The following STAG1 variants were observed in gnomAD, a reference collection of about 807,000 sequenced individuals.
STAG1 encodes cohesin subunit SA-1.
STAG1 carries 26 observed loss-of-function variants against 170.9 expected under a neutral mutation model. That is an observed-to-expected ratio of 0.15 (90% CI 0.11 to 0.21). The LOEUF (loss-of-function observed/expected upper bound fraction) is 0.21. Among genes scored for constraint, STAG1 ranks in the 10% least tolerant of loss-of-function variants. The pLI, the probability that STAG1 is intolerant of heterozygous loss-of-function variation, is 1.00. For synonymous variants in STAG1, 514 were observed against 497.7 expected (o/e 1.03, Z -0.44); for missense variants, 964 against 1,509.5 (o/e 0.64, Z 5.99).
At chr3:136,500,623 T>A (rs1000444227) in intron 8 of STAG1, among the ~76,000 whole-genome samples, 2 of 152,284 alleles carry the variant, frequency 1.3e-5, no homozygotes, top group Middle Eastern at 3.4e-3. Context: ...CTAAATCAGG[T>A]CCCTGGGTTT....
At chr3:136,520,678 A>G (rs1441015703) in intron 7 of STAG1, among the ~76,000 whole-genome samples, 1 of 152,154 alleles carries the variant, frequency 6.6e-6, no homozygotes, top group Non-Finnish European at 1.5e-5. Flanking sequence ...TAGTTCTTCA[A>G]ATTATCTACA....
At chr3:136,584,813 A>G (rs1937728676) in intron 4 of STAG1, among the ~76,000 whole-genome samples, 1 of 152,168 alleles carries the variant, frequency 6.6e-6, no homozygotes, top group South Asian at 2.1e-4. Flanking sequence ...TCCAGTTAGG[A>G]GACATTCATA....
intron 3 of STAG1, among the ~76,000 whole-genome samples, chr3:136,617,839 G>GA (rs370493171): frequency 0.017 from 2,491 of 150,518 alleles, 20 homozygotes; most frequent in Middle Eastern, 0.045. Context: ...GTATTTAAAA[G>GA]AAAAAAAAAC....
intron 1 of STAG1, among the ~76,000 whole-genome samples, chr3:136,728,096 T>G (rs1014773609): frequency 6.6e-6 from 1 of 151,890 alleles, no homozygotes; most frequent in African/African-American, 2.4e-5. Flanking sequence ...GAGGCGGAGG[T>G]TGCAGTAAGC....
intron 13 of STAG1, among the ~76,000 whole-genome samples, chr3:136,461,491 C>T (rs913739896): frequency 1.3e-5 from 2 of 149,668 alleles, no homozygotes; most frequent in Non-Finnish European, 3.0e-5. Context: ...ACAAAATCAA[C>T]ATAAAAATCA....
chr3:136,641,638 A>G (rs1209397638), intron 1 of STAG1, among the ~76,000 whole-genome samples: 4 of 152,240 alleles, frequency 2.6e-5, no homozygotes, highest in Admixed American at 2.0e-4. Context: ...GTCATGAAAC[A>G]GTAAGGCTAA....
intron 6 of STAG1, among the ~76,000 whole-genome samples, chr3:136,521,848 G>T (rs957047599): frequency 6.6e-6 from 1 of 152,120 alleles, no homozygotes; most frequent in East Asian, 1.9e-4. Context: ...TTTAAGAAGT[G>T]AGAATTTCAA....
chr3:136,490,104 A>G (rs1437322673), intron 9 of STAG1, among the ~76,000 whole-genome samples: 1 of 151,942 alleles, frequency 6.6e-6, no homozygotes, highest in Non-Finnish European at 1.5e-5. Flanking sequence ...GCAGTGGCAC[A>G]ATCTTGGCTC....
chr3:136,527,964 A>T (rs1935143215), intron 6 of STAG1, among the ~76,000 whole-genome samples: 1 of 152,082 alleles, frequency 6.6e-6, no homozygotes. Context: ...TCAGAGGGTT[A>T]TCCGGCCGTA....
intron 4 of STAG1, among the ~76,000 whole-genome samples, chr3:136,596,065 C>T (rs901599708): frequency 3.9e-5 from 6 of 152,154 alleles, no homozygotes; most frequent in Non-Finnish European, 7.3e-5. Flanking sequence ...GGTGAAGATG[C>T]TGTGAACACT....
At chr3:136,730,995 T>A (rs1934010086) in intron 1 of STAG1, among the ~76,000 whole-genome samples, 1 of 152,222 alleles carries the variant, frequency 6.6e-6, no homozygotes, top group Admixed American at 6.5e-5. Context: ...AACAAGTTTC[T>A]AAGTAATGCT....
At chr3:136,596,174 G>A (rs1938420837) in intron 4 of STAG1, among the ~76,000 whole-genome samples, 4 of 152,198 alleles carry the variant, frequency 2.6e-5, no homozygotes, top group African/African-American at 9.7e-5. Context: ...AAATAGTTCT[G>A]TGGTAAAATG....
chr3:136,718,112 AAG>A (rs1932966478), intron 1 of STAG1, among the ~76,000 whole-genome samples: 1 of 152,246 alleles, frequency 6.6e-6, no homozygotes, highest in Non-Finnish European at 1.5e-5. Context: ...CAAAGGTAAA[AAG>A]AAATTGAAAT....
chr3:136,487,569 A>T (rs1225718146), intron 9 of STAG1, among the ~76,000 whole-genome samples: 2 of 151,388 alleles, frequency 1.3e-5, no homozygotes, highest in South Asian at 2.1e-4. Flanking sequence ...AGCTATAAAA[A>T]CTCCCTGGGT....
chr3:136,649,697 C>T (rs1407032885), intron 1 of STAG1, among the ~76,000 whole-genome samples: 1 of 151,706 alleles, frequency 6.6e-6, no homozygotes. Flanking sequence ...AGGAGGATTA[C>T]TTCAGCCCAG....
intron 1 of STAG1, among the ~76,000 whole-genome samples, chr3:136,709,574 A>C (rs1015428406): frequency 1.3e-5 from 2 of 152,058 alleles, no homozygotes; most frequent in African/African-American, 4.8e-5. Flanking sequence ...TCTCTAAAAA[A>C]ATAAAATAAA....
chr3:136,564,901 C>G (rs575515396), intron 5 of STAG1, among the ~76,000 whole-genome samples: 2 of 149,066 alleles, frequency 1.3e-5, no homozygotes, highest in African/African-American at 2.5e-5. Context: ...TAGAAGGAAA[C>G]ATAGAGGTAA....
intron 1 of STAG1, among the ~76,000 whole-genome samples, chr3:136,738,879 C>T (rs1433101089): frequency 6.6e-6 from 1 of 151,938 alleles, no homozygotes; most frequent in South Asian, 2.1e-4. Context: ...TACACATATA[C>T]CAAAGTTATT....
chr3:136,733,538 G>A (rs1412370764), intron 1 of STAG1, among the ~76,000 whole-genome samples: 1 of 152,192 alleles, frequency 6.6e-6, no homozygotes, highest in African/African-American at 2.4e-5. Context: ...GGTTAAAGAA[G>A]TTGCCCAAGT....
Sources: allele counts gnomAD v4.1 joint callset (sites outside exome capture counted in the v4.1 genomes callset), GRCh38; gene constraint gnomAD v4.1.1; transcripts MANE v1.5; gene names NCBI Gene and HGNC (gene_info 2026-07-23, HGNC 2026-07-21).